Variants in CHSY3 observed in about 807,000 individuals in gnomAD.
CHSY3 encodes the protein chondroitin sulfate synthase 3, also known as N-acetylgalactosaminyl-proteoglycan 3-beta-glucuronosyltransferase 3.
CHSY3 carries 35 observed loss-of-function variants against 67.2 expected under a neutral mutation model. The observed-to-expected ratio is 0.52, with a 90% CI of 0.40 to 0.69. The LOEUF is 0.69. Ranked by LOEUF, CHSY3 falls within the 30% of genes least tolerant of loss-of-function variation. The pLI is 0.00. For missense variants in CHSY3, 1,069 were observed against 1,138.5 expected (o/e 0.94, Z 0.88); for synonymous variants, 474 against 434.7 (o/e 1.09, Z -1.12).
intron 2 of CHSY3, among the ~76,000 whole-genome samples, chr5:129,929,144 C>G (rs1257096689): frequency 6.6e-6 from 1 of 152,098 alleles, no homozygotes; most frequent in Non-Finnish European, 1.5e-5. Context: ...AGGTAGGTGA[C>G]AAAGGTCAGA....
chr5:130,036,414 CAA>C (rs1362373159), intron 2 of CHSY3, among the ~76,000 whole-genome samples: 1 of 152,102 alleles, frequency 6.6e-6, no homozygotes, highest in East Asian at 1.9e-4. Flanking sequence ...CTAAAATGCA[CAA>C]AGATTGCTTT....
At chr5:129,927,563 A>G (rs1462092741) in intron 2 of CHSY3, among the ~76,000 whole-genome samples, 2 of 152,020 alleles carry the variant, frequency 1.3e-5, no homozygotes, top group Non-Finnish European at 2.9e-5. Context: ...GAGTTCATCA[A>G]ATTTGGCAGA....
Position 130,184,472 on chromosome 5 carries a change from CA to C in CHSY3, c.1331del (p.Gln444ArgfsTer5). 1 of 1,613,520 alleles carries C rather than the reference CA, an allele frequency of 6.2e-7. No individual in the cohort carries two copies. The highest frequency in any genetic ancestry group is 8.5e-7 in the Non-Finnish European group (1 of 1,179,470). On this transcript the variant is annotated frameshift_variant, in exon 3 of 3. Transcript: ENST00000305031. LOFTEE classifies it high-confidence loss of function. The part of the protein sequence containing the change: ...LSNTEVSKED[Q>X]QLGVIPSFNH... ...TAACACAGAAGTGAGCAAAGAGGAC[CA>C]GCAGCTGGGAGTGATACCTTCTTTC...
chr5:129,904,717 C>G lies in CHSY3; in HGVS notation c.-113C>G, dbSNP rs982620966. ...CAGCCGGTGTCGGCGCCTAGGCGGC[C>G]GGCTGCGGCCGCGGCTGGGGGCGCA... is the stretch of plus-strand genomic sequence containing the variant. On this transcript the variant is annotated 5_prime_UTR_variant, in exon 1 of 3. Transcript: ENST00000305031. The G allele has an allele frequency of 8.2e-7, 1 of 1,223,484 alleles. No individual in the cohort carries two copies. The highest frequency in any genetic ancestry group is 1.0e-6 in the Non-Finnish European group (1 of 982,904). 75.8% of individuals were successfully genotyped at this position (1,223,484 alleles called of 1,614,324 possible). A position where few individuals can be genotyped will look rare whatever the true frequency, so the allele number is the denominator to read the frequency against.
chr5:129,921,581 T>G (rs1443051877), intron 2 of CHSY3, among the ~76,000 whole-genome samples: 2 of 152,232 alleles, frequency 1.3e-5, no homozygotes, highest in African/African-American at 4.8e-5. Context: ...AAATGGTGGA[T>G]TAGGGAGGAC....
At chr5:129,989,938 G>A (rs894191801) in intron 2 of CHSY3, among the ~76,000 whole-genome samples, 1 of 152,124 alleles carries the variant, frequency 6.6e-6, no homozygotes, top group Non-Finnish European at 1.5e-5. Context: ...GGTAATCCAT[G>A]AATGAATTAA....
chr5:130,073,537 G>C (rs1461246395), intron 2 of CHSY3, among the ~76,000 whole-genome samples: 1 of 151,910 alleles, frequency 6.6e-6, no homozygotes, highest in Non-Finnish European at 1.5e-5. Flanking sequence ...ATCAAAAAGA[G>C]AAAGATAACA....
intron 2 of CHSY3, among the ~76,000 whole-genome samples, chr5:129,960,058 G>A (rs1002114843): frequency 1.3e-5 from 2 of 152,012 alleles, no homozygotes; most frequent in African/African-American, 4.8e-5. Flanking sequence ...AAGTTAGAAG[G>A]CTTTTCTGGG....
At chr5:130,068,828 G>C (rs1171106504) in intron 2 of CHSY3, among the ~76,000 whole-genome samples, 5 of 152,040 alleles carry the variant, frequency 3.3e-5, no homozygotes, top group African/African-American at 1.2e-4. Flanking sequence ...CATTTATATA[G>C]GTAGTTCAAT....
intron 2 of CHSY3, among the ~76,000 whole-genome samples, chr5:130,023,932 G>T (rs1764464701): frequency 6.6e-6 from 1 of 151,512 alleles, no homozygotes; most frequent in African/African-American, 2.4e-5. Flanking sequence ...CCCCCCAATA[G>T]CTCTTCAAAG....
chr5:129,907,500 T>C (rs1581352219), intron 1 of CHSY3, among the ~76,000 whole-genome samples: 1 of 152,208 alleles, frequency 6.6e-6, no homozygotes, highest in East Asian at 1.9e-4. Flanking sequence ...CTTAACAAAC[T>C]GCAAGTGAAA....
intron 2 of CHSY3, among the ~76,000 whole-genome samples, chr5:129,921,998 C>T (rs1207534920): frequency 1.3e-5 from 2 of 152,110 alleles, no homozygotes; most frequent in Non-Finnish European, 2.9e-5. Context: ...ACACACTCTA[C>T]CCACCCCCAG....
chr5:130,162,156 A>G (rs771568369), intron 2 of CHSY3, among the ~76,000 whole-genome samples: 1 of 152,040 alleles, frequency 6.6e-6, no homozygotes, highest in Admixed American at 6.6e-5. Flanking sequence ...CCGTTTACCT[A>G]TTGACATTTT....
chr5:130,144,092 G>C (rs1768999241), intron 2 of CHSY3, among the ~76,000 whole-genome samples: 1 of 150,992 alleles, frequency 6.6e-6, no homozygotes, highest in Non-Finnish European at 1.5e-5. Flanking sequence ...TATGCTTAAA[G>C]GGTTTAAGAA....
intron 2 of CHSY3, among the ~76,000 whole-genome samples, chr5:130,101,152 G>C (rs1767230076): frequency 1.3e-5 from 2 of 152,208 alleles, no homozygotes; most frequent in South Asian, 4.1e-4. Context: ...ATTTTCTCGT[G>C]CATGATCACA....
At chr5:130,140,931 A>G in intron 2 of CHSY3, 1 of 859,352 alleles carries the variant, frequency 1.2e-6, no homozygotes, top group Non-Finnish European at 1.4e-6. Context: ...GCCTTATTTG[A>G]AGAATTGAAT....
intron 2 of CHSY3, among the ~76,000 whole-genome samples, chr5:130,016,415 T>A (rs1329132500): frequency 6.7e-6 from 1 of 149,506 alleles, no homozygotes; most frequent in East Asian, 1.9e-4. Flanking sequence ...TATTTTATTT[T>A]ATTATTATTT....
chr5:130,137,694 A>T (rs903946442), intron 2 of CHSY3, among the ~76,000 whole-genome samples: 4 of 152,204 alleles, frequency 2.6e-5, no homozygotes, highest in African/African-American at 9.6e-5. Flanking sequence ...TAAGTCTTAG[A>T]TATAAAATTT....
At chr5:129,910,923 T>C (rs1290517275) in intron 2 of CHSY3, among the ~76,000 whole-genome samples, 1 of 151,782 alleles carries the variant, frequency 6.6e-6, no homozygotes, top group African/African-American at 2.4e-5. Context: ...CTATCTGTGA[T>C]AGAATTTTGG....
Sources: allele counts gnomAD v4.1 joint callset (sites outside exome capture counted in the v4.1 genomes callset), GRCh38; gene constraint gnomAD v4.1.1; transcripts MANE v1.5; gene names NCBI Gene and HGNC (gene_info 2026-07-23, HGNC 2026-07-21).